Variants in JADE1 observed in about 807,000 individuals in gnomAD.
JADE1 encodes the protein jade family PHD finger 1, also known as protein Jade-1.
In JADE1, 14 loss-of-function variants were observed where a neutral mutation model predicts 81.8. The ratio of observed to expected loss-of-function variants is 0.17; its 90% CI spans 0.11 to 0.27. The LOEUF (loss-of-function observed/expected upper bound fraction) is 0.27, where lower values mean the gene tolerates loss of function less well. Among genes scored for constraint, JADE1 ranks in the 10% least tolerant of loss-of-function variants. The pLI is 1.00. For missense variants in JADE1, 690 were observed against 1,047.9 expected (o/e 0.66, Z 4.71); for synonymous variants, 353 against 391.9 (o/e 0.90, Z 1.17).
At chr4:128,863,140 C>T (rs117204581) in intron 9 of JADE1, 129 of 985,556 alleles carry the variant, frequency 1.3e-4, no homozygotes, top group East Asian at 2.3e-4. Flanking sequence ...GTGCCTCCCC[C>T]ACTTTCCATC....
At chr4:128,837,637 C>A (rs1182975887) in intron 2 of JADE1, among the ~76,000 whole-genome samples, 1 of 152,166 alleles carries the variant, frequency 6.6e-6, no homozygotes, top group Admixed American at 6.5e-5. Context: ...TTGCTTTAGT[C>A]TAGTACAAGG....
chr4:128,833,849 C>G (rs760605634), intron 2 of JADE1, among the ~76,000 whole-genome samples: 4 of 152,300 alleles, frequency 2.6e-5, no homozygotes, highest in Non-Finnish European at 4.4e-5. Flanking sequence ...TGTCTGCTCT[C>G]GTCACTGCCT....
chr4:128,811,014 G>C (rs1222448731), intron 1 of JADE1, among the ~76,000 whole-genome samples: 2 of 152,174 alleles, frequency 1.3e-5, no homozygotes, highest in Non-Finnish European at 2.9e-5. Context: ...TGTACCCCGG[G>C]ACTGCAAGTT....
intron 1 of JADE1, among the ~76,000 whole-genome samples, chr4:128,814,517 T>G (rs1472595872): frequency 6.6e-6 from 1 of 152,162 alleles, no homozygotes; most frequent in Non-Finnish European, 1.5e-5. Flanking sequence ...TGTGCATGTG[T>G]GTTTTAATAA....
intron 1 of JADE1, among the ~76,000 whole-genome samples, chr4:128,831,266 C>T (rs533264512): frequency 6.6e-5 from 10 of 152,166 alleles, no homozygotes; most frequent in Admixed American, 4.6e-4. Flanking sequence ...TAAAATTTGC[C>T]TGAGAAGCAT....
chr4:128,833,725 TAGTC>T (rs1419043053), intron 2 of JADE1, among the ~76,000 whole-genome samples: 2 of 152,212 alleles, frequency 1.3e-5, no homozygotes, highest in African/African-American at 4.8e-5. Flanking sequence ...GGGTGAGAAT[TAGTC>T]AGAAGACTGC....
At chr4:128,859,448 CGCGTGAGT>C (rs1731111261) in intron 8 of JADE1, among the ~76,000 whole-genome samples, 1 of 151,326 alleles carries the variant, frequency 6.6e-6, no homozygotes, top group African/African-American at 2.4e-5. Flanking sequence ...TGTGTGTATG[CGCGTGAGT>C]GCGTGAGTAT....
intron 2 of JADE1, 99 bp from the exon 3 acceptor site, chr4:128,842,854 G>A: frequency 1.0e-6 from 1 of 955,098 alleles, no homozygotes; most frequent in African/African-American, 1.6e-5. Flanking sequence ...GTGCAGTGCT[G>A]AGGTGAGCCT....
chr4:128,847,994 T>C (rs1730010811), intron 4 of JADE1, among the ~76,000 whole-genome samples: 1 of 152,166 alleles, frequency 6.6e-6, no homozygotes, highest in Admixed American at 6.5e-5. Context: ...AGTCTTATTT[T>C]GAGTGGGGTG....
rs1732480245 is a variant in JADE1, at chr4:128,875,210, A to C, written c.*2948A>C. ...TTGTCTGTATGTGAATAAATGCTGT[A>C]CATTTTGCAATACATTTTAAGTGTC... On this transcript the variant is annotated 3_prime_UTR_variant, in exon 11 of 11. Coordinates refer to ENST00000226319, the MANE Select transcript of JADE1 (RefSeq NM_199320.4). 6.6e-6 allele frequency: 1 copy of C among 152,670 alleles called. No individual in the cohort carries two copies. The highest frequency in any genetic ancestry group is 6.5e-5 in the Admixed American group (1 of 15,290). 9.5% of individuals were successfully genotyped at this position (152,670 alleles called of 1,614,324 possible). A position where few individuals can be genotyped will look rare whatever the true frequency, so the allele number is the denominator to read the frequency against.
intron 1 of JADE1, among the ~76,000 whole-genome samples, chr4:128,823,835 C>T (rs1434697031): frequency 6.6e-6 from 1 of 152,022 alleles, no homozygotes; most frequent in African/African-American, 2.4e-5. Flanking sequence ...ATAATGTTGC[C>T]AGTTGGAAAA....
At chr4:128,850,822 T>G (rs553600604) in intron 5 of JADE1, among the ~76,000 whole-genome samples, 1 of 152,394 alleles carries the variant, frequency 6.6e-6, no homozygotes, top group East Asian at 1.9e-4. Context: ...AGAACTGGGC[T>G]AATCCATATT....
chr4:128,870,589 A>G (rs1732115460), intron 10 of JADE1, among the ~76,000 whole-genome samples: 1 of 152,118 alleles, frequency 6.6e-6, no homozygotes, highest in Non-Finnish European at 1.5e-5. Flanking sequence ...TATAATAGGA[A>G]ATGTCAGAGT....
rs777334437 is a variant in JADE1, at chr4:128,871,370, G to A, written c.1637G>A (p.Cys546Tyr). Residue 546 changes from cysteine (C) to tyrosine (Y), a missense_variant, in exon 11 of 11, where the codon TGC (cysteine) becomes TAC (tyrosine). Cys to Tyr is a radical substitution (Grantham distance 194). Coordinates refer to ENST00000226319, the MANE Select transcript of JADE1 (RefSeq NM_199320.4). This position sits in a 1 kb window ranked among gnomAD's most constrained non-coding sequence, Gnocchi z 4.1. Reference sequence around the variant, plus strand: ...ATGTTTATAGGTGTGCCTTCTTCCTGCTCCTCCTCCTCACTGGAAAACATG... The same window carrying A: ...ATGTTTATAGGTGTGCCTTCTTCCTACTCCTCCTCCTCACTGGAAAACATG... ...QERVSGVPSSCSSSSLENMLL... is the reference protein window; with the variant it reads ...QERVSGVPSSYSSSSLENMLL... 6.8e-6 allele frequency: 11 copies of A among 1,613,034 alleles called. No individual in the cohort carries two copies. The highest frequency in any genetic ancestry group is 9.3e-6 in the Non-Finnish European group (11 of 1,179,292).
chr4:128,861,590 T>A, intron 8 of JADE1, 114 bp from the exon 9 acceptor site: 1 of 1,190,998 alleles, frequency 8.4e-7, no homozygotes, highest in South Asian at 1.4e-5. Flanking sequence ...TGGCACATGC[T>A]TGAAGCATGG....
chr4:128,813,622 C>T (rs1273077051), intron 1 of JADE1, among the ~76,000 whole-genome samples: 2 of 151,766 alleles, frequency 1.3e-5, no homozygotes, highest in Non-Finnish European at 2.9e-5. Context: ...GGGGTTTCAC[C>T]ATATTAGCCA....
At chr4:128,822,662 T>C (rs1387642306) in intron 1 of JADE1, among the ~76,000 whole-genome samples, 1 of 150,888 alleles carries the variant, frequency 6.6e-6, no homozygotes, top group African/African-American at 2.4e-5. Context: ...GAGGTTGCGG[T>C]GAGCCGAGAT....
At chr4:128,842,216 G>A (rs1236023650) in intron 2 of JADE1, among the ~76,000 whole-genome samples, 1 of 152,122 alleles carries the variant, frequency 6.6e-6, no homozygotes, top group Non-Finnish European at 1.5e-5. Context: ...AAGTTTTTAG[G>A]CCTTGTAGAG....
chr4:128,862,492 A>G, intron 9 of JADE1: 1 of 1,326,152 alleles, frequency 7.5e-7, no homozygotes, highest in Non-Finnish European at 9.6e-7. Flanking sequence ...TTGTAAGATC[A>G]AATGGGGTGT....
Sources: allele counts gnomAD v4.1 joint callset (sites outside exome capture counted in the v4.1 genomes callset), GRCh38; gene constraint gnomAD v4.1.1; non-coding constraint Gnocchi (gnomAD v3.1); transcripts MANE v1.5; gene names NCBI Gene and HGNC (gene_info 2026-07-23, HGNC 2026-07-21).